The following TASP1 variants were observed in gnomAD, a reference collection of about 807,000 sequenced individuals.
The protein encoded by TASP1 is taspase 1.
A neutral mutation model predicts 56.6 loss-of-function variants in TASP1; 16 were observed. The ratio of observed to expected loss-of-function variants is 0.28; its 90% CI spans 0.19 to 0.43. TASP1 has a LOEUF of 0.43. Among genes scored for constraint, TASP1 ranks in the 20% least tolerant of loss-of-function variants. The pLI, the probability that TASP1 is intolerant of heterozygous loss-of-function variation, is 1.00. For synonymous variants in TASP1, 179 were observed against 184.2 expected (o/e 0.97, Z 0.23); for missense variants, 393 against 511.6 (o/e 0.77, Z 2.24).
At chr20:13,311,775 G>C in the TASP1 span, among the ~76,000 whole-genome samples, 1 of 152,168 alleles carries the variant, frequency 6.6e-6, no homozygotes, top group African/African-American at 2.4e-5. Flanking sequence ...TAGTAACCAG[G>C]GGCTTGGGAG....
chr20:13,179,085 G>A, the TASP1 span, among the ~76,000 whole-genome samples: 1 of 152,068 alleles, frequency 6.6e-6, no homozygotes. Context: ...TAAAAACAAG[G>A]AAACTGTGAA....
chr20:13,291,836 C>G, the TASP1 span, among the ~76,000 whole-genome samples: 22 of 152,308 alleles, frequency 1.4e-4, no homozygotes, highest in South Asian at 4.6e-3. Context: ...CCTAACACTT[C>G]CCACTTGCTG....
chr20:13,523,457 G>C (rs6079092), intron 10 of TASP1, among the ~76,000 whole-genome samples: 3 of 152,102 alleles, frequency 2.0e-5, no homozygotes, highest in Non-Finnish European at 4.4e-5. Flanking sequence ...TCCTGACAAA[G>C]GTCTCTGGGC....
At chr20:13,635,109 G>A (rs532551529) in intron 1 of TASP1, among the ~76,000 whole-genome samples, 1 of 152,168 alleles carries the variant, frequency 6.6e-6, no homozygotes, top group East Asian at 1.9e-4. Context: ...AAATACCACT[G>A]AATTGTACAC....
At chr20:13,331,850 C>G in the TASP1 span, among the ~76,000 whole-genome samples, 17 of 152,078 alleles carry the variant, frequency 1.1e-4, no homozygotes, top group African/African-American at 4.1e-4. Context: ...CCATCTTGCT[C>G]ACCATGCAAT....
chr20:13,474,820 T>C (rs1358451527), intron 11 of TASP1, among the ~76,000 whole-genome samples: 2 of 152,230 alleles, frequency 1.3e-5, no homozygotes, highest in African/African-American at 4.8e-5. Context: ...TTTTAAATTA[T>C]GGTCATTCTT....
At chr20:13,380,262 G>T in the TASP1 span, among the ~76,000 whole-genome samples, 2 of 152,140 alleles carry the variant, frequency 1.3e-5, no homozygotes, top group African/African-American at 4.8e-5. Flanking sequence ...GTTTTTGTGT[G>T]GGCGTCCTTT....
chr20:13,595,000 G>T (rs1440938592), intron 4 of TASP1, among the ~76,000 whole-genome samples: 2 of 152,094 alleles, frequency 1.3e-5, no homozygotes, highest in Non-Finnish European at 2.9e-5. Context: ...CCCACAAAGG[G>T]AAGCCCATCA....
intron 10 of TASP1, among the ~76,000 whole-genome samples, chr20:13,508,391 T>C (rs1160227107): frequency 2.6e-5 from 4 of 152,118 alleles, no homozygotes; most frequent in Non-Finnish European, 5.9e-5. Context: ...GCTGAAATGC[T>C]CCAAAATTTG....
intron 10 of TASP1, among the ~76,000 whole-genome samples, chr20:13,492,517 C>T (rs2043570921): frequency 6.6e-6 from 1 of 152,178 alleles, no homozygotes; most frequent in African/African-American, 2.4e-5. Context: ...TGATAGGACA[C>T]ACATGATTTC....
the TASP1 span, among the ~76,000 whole-genome samples, chr20:13,367,355 C>A: frequency 4.6e-5 from 7 of 152,148 alleles, no homozygotes; most frequent in African/African-American, 1.7e-4. Flanking sequence ...TGAACTTTTT[C>A]CAGATATTCA....
At chr20:13,142,716 C>T in the TASP1 span, among the ~76,000 whole-genome samples, 1 of 152,170 alleles carries the variant, frequency 6.6e-6, no homozygotes, top group Non-Finnish European at 1.5e-5. Flanking sequence ...TTATCTGGAG[C>T]TCAGGCACCT....
rs2043204389 is a variant in TASP1 at position 13,483,270 on chromosome 20, A to G, written c.942T>C (p.Asp314=). The part of the protein sequence containing the change: ...RECSHALQAE[D]AHQALLETMQ... ...TAGTCTCCAACAGGGCTTGGTGAGCATCCTCAGCTTGTAAAGCATGTGAAC... is the reference window on the plus strand; with the variant it reads ...TAGTCTCCAACAGGGCTTGGTGAGCGTCCTCAGCTTGTAAAGCATGTGAAC... Residue 314 remains aspartate, a synonymous_variant, in exon 11 of 14, where the codon GAT becomes GAC. Coordinates refer to ENST00000337743, the MANE Select transcript of TASP1 (RefSeq NM_017714.3). 1.2e-6 allele frequency: 2 copies of G among 1,601,352 alleles called. No homozygotes were observed. The highest frequency in any genetic ancestry group is 1.7e-6 in the Non-Finnish European group (2 of 1,173,480).
chr20:13,358,764 CT>C, the TASP1 span, among the ~76,000 whole-genome samples: 2 of 147,888 alleles, frequency 1.4e-5, no homozygotes, highest in African/African-American at 5.2e-5. Flanking sequence ...GCAGGGACGC[CT>C]CTCTGATCAT....
At chr20:13,584,033 C>T (rs992384356) in intron 5 of TASP1, among the ~76,000 whole-genome samples, 1 of 152,104 alleles carries the variant, frequency 6.6e-6, no homozygotes, top group Non-Finnish European at 1.5e-5. Flanking sequence ...GAGCCAAGAT[C>T]GCACCACTGC....
At chr20:13,299,332 G>A in the TASP1 span, 2 of 1,613,946 alleles carry the variant, frequency 1.2e-6, no homozygotes, top group Non-Finnish European at 8.5e-7. This position sits in a 1 kb window ranked among gnomAD's most constrained non-coding sequence, Gnocchi z 5.8. Flanking sequence ...GTCCTGCCCT[G>A]GATTATCTGC....
At chr20:13,299,667 C>T in the TASP1 span, 2 of 508,736 alleles carry the variant, frequency 3.9e-6, no homozygotes, top group Non-Finnish European at 3.4e-6. This position sits in a 1 kb window ranked among gnomAD's most constrained non-coding sequence, Gnocchi z 5.8. Flanking sequence ...TGCAGAGCTC[C>T]TTGAAAGTGC....
chr20:13,449,531 TTG>T, intron 11 of TASP1, among the ~76,000 whole-genome samples: 1 of 152,108 alleles, frequency 6.6e-6, no homozygotes, highest in Non-Finnish European at 1.5e-5. Flanking sequence ...CTCATTAACT[TTG>T]TTTTTAAGTA....
the TASP1 span, chr20:13,154,159 A>T: frequency 6.2e-7 from 1 of 1,613,610 alleles, no homozygotes; most frequent in South Asian, 1.1e-5. Context: ...AAGGCATCTC[A>T]TAATCACACC....
Sources: allele counts gnomAD v4.1 joint callset (sites outside exome capture counted in the v4.1 genomes callset), GRCh38; gene constraint gnomAD v4.1.1; non-coding constraint Gnocchi (gnomAD v3.1); transcripts MANE v1.5; gene names NCBI Gene and HGNC (gene_info 2026-07-23, HGNC 2026-07-21).